ALDH1A1: variants seen among roughly 807,000 people sequenced by gnomAD.
The protein encoded by ALDH1A1 is aldehyde dehydrogenase 1 family member A1.
A neutral mutation model predicts 62.1 loss-of-function variants in ALDH1A1; 19 were observed. That is an observed-to-expected ratio of 0.31 (90% CI 0.21 to 0.45). ALDH1A1 has a LOEUF of 0.45. ALDH1A1 is among the 20% of genes least tolerant of loss of function. The pLI, the probability that ALDH1A1 is intolerant of heterozygous loss-of-function variation, is 1.00. For synonymous variants in ALDH1A1, 231 were observed against 215.9 expected, an observed-to-expected ratio of 1.07 and a Z score of -0.61; for missense variants, 521 against 607.1, an observed-to-expected ratio of 0.86 and a Z score of 1.49.
Position 72,930,939 on chromosome 9 carries a change from C to A in ALDH1A1, c.252G>T (p.Glu84Asp). 1 of 1,614,066 alleles carries A rather than the reference C, an allele frequency of 6.2e-7. No homozygotes were observed. Among genetic ancestry groups the A allele is most frequent in the Non-Finnish European group, 8.5e-7 (1 of 1,179,986 alleles). ...GSPWRTMDAS[E>D]RGRLLYKLAD... is the part of the protein sequence containing the mutation. ...CCAACTTGTATAATAGTCGCCCCCT[C>A]TCGGAAGCATCCATAGTACGCCACG... The change falls in exon 3 of 13, where the codon GAG becomes GAT. Residue 84 changes from glutamate (E) to aspartate (D), a missense_variant. Physicochemically the swap from Glu to Asp is conservative, Grantham distance 45 (BLOSUM62 2). Coordinates refer to ENST00000297785, the MANE Select transcript of ALDH1A1 (RefSeq NM_000689.5).
chr9:72,908,136 C>G (rs552447345), intron 11 of ALDH1A1, among the ~76,000 whole-genome samples: 1 of 151,732 alleles, frequency 6.6e-6, no homozygotes, highest in South Asian at 2.1e-4. Context: ...TTGTATAGGT[C>G]CAGGCCAGCA....
At chr9:72,931,091 G>A in intron 2 of ALDH1A1, 72 bp from the exon 3 acceptor site, 3 of 1,565,854 alleles carry the variant, frequency 1.9e-6, no homozygotes, top group Non-Finnish European at 2.6e-6. Flanking sequence ...CAATAACCCT[G>A]TAAAATAGAC....
intron 2 of ALDH1A1, among the ~76,000 whole-genome samples, chr9:72,933,149 AC>A (rs1344513137): frequency 1.3e-5 from 2 of 152,230 alleles, no homozygotes; most frequent in Non-Finnish European, 2.9e-5. Flanking sequence ...TATGAAAACA[AC>A]CCAGATTTGA....
Position 72,928,925 on chromosome 9 carries a change from C to T in ALDH1A1, c.409G>A (p.Ala137Thr), listed in dbSNP as rs760531614. 5 of 1,613,936 alleles carry T rather than the reference C, an allele frequency of 3.1e-6. No individual in the cohort carries two copies. The East Asian group carries it at 8.9e-5, about 29-fold the overall frequency. The change falls in exon 4 of 13, where the codon GCT becomes ACT. Residue 137 changes from alanine to threonine, a missense_variant. Transcript: ENST00000297785. ...ATTGTACGGCCCTGGATCTTGTCAG[C>T]CCAACCTGCACAGTAGCGCAATGTT... ...IKTLRYCAGW[A>T]DKIQGRTIPI...
chr9:72,901,318 G>A (rs1291863305), intron 12 of ALDH1A1, 38 bp from the exon 13 acceptor site: 2 of 1,402,504 alleles, frequency 1.4e-6, no homozygotes, highest in Non-Finnish European at 2.0e-6. Context: ...ACACCATTTA[G>A]CACAGCAGTA....
chr9:72,946,004 C>G (rs1830469182), intron 1 of ALDH1A1, among the ~76,000 whole-genome samples: 1 of 151,908 alleles, frequency 6.6e-6, no homozygotes, highest in Non-Finnish European at 1.5e-5. Flanking sequence ...ACCCCATCAG[C>G]CTTTTCAATT....
At chr9:72,908,579 GAAAGAAAGAA>G (rs1829926879) in intron 11 of ALDH1A1, among the ~76,000 whole-genome samples, 1 of 125,770 alleles carries the variant, frequency 8.0e-6, no homozygotes, top group Non-Finnish European at 1.7e-5. Flanking sequence ...AAGAAAGAAA[GAAAGAAAGAA>G]AGAAAGAAAG....
intron 7 of ALDH1A1, among the ~76,000 whole-genome samples, chr9:72,920,093 T>A (rs1830120257): frequency 6.6e-6 from 1 of 152,150 alleles, no homozygotes; most frequent in African/African-American, 2.4e-5. Context: ...ACTCTGCATG[T>A]CAGATTTTAA....
intron 12 of ALDH1A1, among the ~76,000 whole-genome samples, chr9:72,901,965 A>C (rs1009271495): frequency 6.6e-6 from 1 of 152,046 alleles, no homozygotes; most frequent in Non-Finnish European, 1.5e-5. Context: ...TTTTTATTTA[A>C]AACTTTTAAA....
At chr9:72,906,087 C>A (rs1829874664) in intron 11 of ALDH1A1, 55 bp from the exon 12 acceptor site, 2 of 1,398,642 alleles carry the variant, frequency 1.4e-6, no homozygotes, top group African/African-American at 1.5e-5. Flanking sequence ...AAAAAAAAAT[C>A]CTTTTTGGCA....
chr9:72,912,826 T>C (rs572739631), intron 9 of ALDH1A1, among the ~76,000 whole-genome samples: 1 of 152,314 alleles, frequency 6.6e-6, no homozygotes, highest in South Asian at 2.1e-4. Context: ...ACACTATTTT[T>C]ATAAGGAAAA....
At chr9:72,904,375 T>G (rs555613826) in intron 12 of ALDH1A1, among the ~76,000 whole-genome samples, 1 of 152,132 alleles carries the variant, frequency 6.6e-6, no homozygotes, top group Non-Finnish European at 1.5e-5. Context: ...TATGTTACTC[T>G]GAAATCATAT....
chr9:72,947,478 T>C (rs1352081851), intron 1 of ALDH1A1, among the ~76,000 whole-genome samples: 4 of 152,004 alleles, frequency 2.6e-5, no homozygotes, highest in African/African-American at 9.7e-5. Flanking sequence ...GACTTCAGCC[T>C]AGATCTATTC....
chr9:72,948,885 A>G (rs1830504618), intron 1 of ALDH1A1, among the ~76,000 whole-genome samples: 2 of 151,868 alleles, frequency 1.3e-5, no homozygotes, highest in African/African-American at 4.8e-5. Flanking sequence ...AGCAAAGGGG[A>G]CAAAGGAGGT....
intron 12 of ALDH1A1, among the ~76,000 whole-genome samples, chr9:72,902,843 T>C (rs1251142135): frequency 6.6e-6 from 1 of 151,994 alleles, no homozygotes; most frequent in Non-Finnish European, 1.5e-5. Context: ...AATGTACAAA[T>C]CACCTGGGAC....
intron 2 of ALDH1A1, among the ~76,000 whole-genome samples, chr9:72,936,687 C>T (rs1830350816): frequency 6.6e-6 from 1 of 152,066 alleles, no homozygotes; most frequent in Non-Finnish European, 1.5e-5. Context: ...TTCTGGGGCT[C>T]CTATAGACCT....
At chr9:72,904,218 T>A (rs185422589) in intron 12 of ALDH1A1, among the ~76,000 whole-genome samples, 10 of 152,100 alleles carry the variant, frequency 6.6e-5, no homozygotes, top group Admixed American at 6.6e-4. Context: ...ACTCCAGTAA[T>A]GTTTTCTCAG....
intron 7 of ALDH1A1, among the ~76,000 whole-genome samples, chr9:72,920,014 T>C (rs1830118570): frequency 6.6e-6 from 1 of 152,208 alleles, no homozygotes; most frequent in South Asian, 2.1e-4. Context: ...CACCAACATG[T>C]TCTTTGCCTT....
intron 12 of ALDH1A1, among the ~76,000 whole-genome samples, chr9:72,904,718 A>G (rs1829853360): frequency 1.3e-5 from 2 of 152,074 alleles, no homozygotes; most frequent in South Asian, 4.1e-4. Flanking sequence ...ATGGTTAGAG[A>G]GATGCCATCC....
Sources: gnomAD v4.1 joint callset for allele counts (sites outside exome capture counted in the v4.1 genomes callset) on GRCh38, gnomAD v4.1.1 for gene constraint, MANE v1.5 for transcripts, NCBI Gene and HGNC (gene_info 2026-07-23, HGNC 2026-07-21) for gene names.